Variants in TUB observed in about 807,000 individuals in gnomAD.
TUB encodes the protein TUB bipartite transcription factor.
TUB carries 33 observed loss-of-function variants against 59.7 expected under a neutral mutation model. The observed-to-expected ratio is 0.55, with a 90% CI of 0.42 to 0.74. The LOEUF is 0.74. Among genes scored for constraint, TUB ranks in the 30% least tolerant of loss-of-function variants. The pLI is 0.00. For synonymous variants in TUB, 293 were observed against 256.4 expected (o/e 1.14, Z -1.36); for missense variants, 659 against 672.0 (o/e 0.98, Z 0.21).
At chr11:8,024,137 C>T (rs781109741) in intron 1 of TUB, among the ~76,000 whole-genome samples, 1 of 152,184 alleles carries the variant, frequency 6.6e-6, no homozygotes, top group Non-Finnish European at 1.5e-5. Flanking sequence ...TTTTCCCGGC[C>T]TCTCTTCTCT....
intron 2 of TUB, among the ~76,000 whole-genome samples, chr11:8,064,282 G>A (rs967428035): frequency 3.3e-5 from 5 of 152,226 alleles, no homozygotes; most frequent in Non-Finnish European, 5.9e-5. Flanking sequence ...TTGATGGACT[G>A]TGCCTGAGCT....
chr11:8,101,637 T>C lies in TUB; in HGVS notation c.*18T>C. On this transcript the variant is annotated 3_prime_UTR_variant, in exon 12 of 12. Coordinates refer to ENST00000299506, the MANE Select transcript of TUB (RefSeq NM_177972.3). ...GCGAGTAGAGGCCTCTTCGTGCCCTTTGGGGTTGCCCAGCCTGGAGCGGAG... is the reference window on the plus strand; with the variant it reads ...GCGAGTAGAGGCCTCTTCGTGCCCTCTGGGGTTGCCCAGCCTGGAGCGGAG... The C allele has an allele frequency of 2.5e-6, 4 of 1,613,700 alleles. No homozygotes were observed. The highest frequency in any genetic ancestry group is 8.5e-7 in the Non-Finnish European group (1 of 1,179,782).
At chr11:8,020,447 A>T (rs1373884777) in intron 1 of TUB, among the ~76,000 whole-genome samples, 1 of 151,926 alleles carries the variant, frequency 6.6e-6, no homozygotes, top group African/African-American at 2.4e-5. Context: ...TTTGCCTAGG[A>T]CCCCTCCTCA....
At position 8,106,069 on chromosome 11, in the gene TUB, G is replaced by A. The variant is rs764584550; in HGVS notation, c.*4450G>A. On this transcript the variant is annotated 3_prime_UTR_variant, in exon 12 of 12. Coordinates refer to ENST00000299506, the MANE Select transcript of TUB (RefSeq NM_177972.3). ...GTTTTAGACAAATTTGCAAAACTGT[G>A]CTTTTATTGACTTTTTGAATAAACT... The A allele has an allele frequency of 5.9e-5, 9 of 152,148 alleles. No homozygotes were observed. Among genetic ancestry groups the A allele is most frequent in the Non-Finnish European group, 1.2e-4 (8 of 68,028 alleles). 9.4% of individuals were successfully genotyped at this position (152,148 alleles called of 1,614,324 possible). A position where few individuals can be genotyped will look rare whatever the true frequency, so the allele number is the denominator to read the frequency against.
At chr11:8,095,822 G>C (rs192084182) in intron 5 of TUB, among the ~76,000 whole-genome samples, 157 bp downstream of exon 5, 14 of 152,262 alleles carry the variant, frequency 9.2e-5, no homozygotes, top group African/African-American at 3.4e-4. Context: ...GAAACTCTTA[G>C]GCAGGGCCCC....
chr11:8,020,334 T>G (rs750203634), intron 1 of TUB, among the ~76,000 whole-genome samples: 1 of 152,218 alleles, frequency 6.6e-6, no homozygotes, highest in Non-Finnish European at 1.5e-5. Context: ...TCCTGCTTCC[T>G]GTGCTCTCCT....
At chr11:8,083,440 A>G (rs1362231529) in intron 1 of TUB, among the ~76,000 whole-genome samples, 1 of 152,172 alleles carries the variant, frequency 6.6e-6, no homozygotes, top group Non-Finnish European at 1.5e-5. Flanking sequence ...TCTTAGAGAA[A>G]ATATGCCTCA....
chr11:8,019,328 C>T (rs1564893120), exon 1 of TUB: 1 of 1,283,394 alleles, frequency 7.8e-7, no homozygotes, highest in Non-Finnish European at 9.8e-7. Flanking sequence ...AGCCACCGGA[C>T]CCTGTCTTAC....
intron 2 of TUB, among the ~76,000 whole-genome samples, chr11:8,074,165 G>T (rs1051048070): frequency 2.0e-5 from 3 of 151,922 alleles, no homozygotes; most frequent in African/African-American, 7.3e-5. Flanking sequence ...CTTAACATTG[G>T]GGGTGGGGAT....
At chr11:8,039,163 C>T (rs1942699459) in intron 1 of TUB, 14 of 1,135,436 alleles carry the variant, frequency 1.2e-5, no homozygotes, top group South Asian at 1.6e-5. Flanking sequence ...CCTATCACCA[C>T]GTGGAGCCCC....
At chr11:8,089,791 G>A in intron 2 of TUB, 130 bp downstream of exon 2, 1 of 1,294,164 alleles carries the variant, frequency 7.7e-7, no homozygotes, top group East Asian at 2.4e-5. Context: ...TGTGGAAGAA[G>A]AGAGGTGCAC....
rs556258978 is a variant in TUB at position 8,024,202 on chromosome 11, A to G, written c.56+4844A>G. Among the ~76,000 whole-genome samples the G allele has an allele frequency of 2.2e-4, 33 of 152,262 alleles. No homozygotes were observed. In the South Asian group the frequency reaches 6.0e-3, roughly 28 times the overall value. ...TCAGTCACTCACTCCAGCACTTTTT[A>G]TTCCCTCACGTATGCTCAGCACGAC... On this transcript the variant is annotated intron_variant, in intron 1 of 11. Coordinates refer to the TUB transcript ENST00000534099.
intron 1 of TUB, among the ~76,000 whole-genome samples, chr11:8,039,354 C>G (rs1589926297): frequency 6.6e-6 from 1 of 152,312 alleles, no homozygotes; most frequent in Admixed American, 6.5e-5. Context: ...GAGGGCTCCT[C>G]CTTCCAGCTT....
At position 8,074,723 on chromosome 11, in the gene TUB, G is replaced by C. The variant is rs577797304; in HGVS notation, c.204-14887G>C. 3.6e-4 allele frequency among the ~76,000 whole-genome samples: 51 copies of C among 143,560 alleles called. 2 individuals are homozygous for C. The South Asian group carries it at 0.012, about 33-fold the overall frequency. 94.2% of individuals were successfully genotyped at this position (143,560 alleles called of 152,430 possible). A position where few individuals can be genotyped will look rare whatever the true frequency, so the allele number is the denominator to read the frequency against. ...CACTTATACTCCAGCCTGGGTGATA[G>C]AGTGAGACCTCGTGTCTTTTTTTTT... On this transcript the variant is annotated intron_variant, in intron 2 of 12. Coordinates refer to the TUB transcript ENST00000305253.
Position 8,089,675 on chromosome 11 carries a change from G to T in TUB, c.90+14G>T, listed in dbSNP as rs1943734204. On this transcript the variant is annotated intron_variant, in intron 2 of 11. Coordinates refer to ENST00000299506, the MANE Select transcript of TUB (RefSeq NM_177972.3). ...CTTGATCGGCAGGTGAGTAGGCCTG[G>T]GGCCGGGTAGAAGGGAAGAGTCTGG... 1 of 1,614,182 alleles carries T rather than the reference G, an allele frequency of 6.2e-7. No individual in the cohort carries two copies. The highest frequency in any genetic ancestry group is 8.5e-7 in the Non-Finnish European group (1 of 1,180,026).
In TUB at chr11:8,101,851, T is replaced by G. The variant is rs1307316813; in HGVS notation, c.*232T>G. ...GTGTGAAGGGATGAGAATAATTCTTTCCATGCCACGAGATCAACACACACT... is the reference window on the plus strand; with the variant it reads ...GTGTGAAGGGATGAGAATAATTCTTGCCATGCCACGAGATCAACACACACT... On this transcript the variant is annotated 3_prime_UTR_variant, in exon 12 of 12. Transcript: ENST00000299506. The G allele has an allele frequency of 1.8e-5, 9 of 496,166 alleles. No individual in the cohort carries two copies. The South Asian group carries it at 2.2e-4, about 12-fold the overall frequency. 30.7% of individuals were successfully genotyped at this position (496,166 alleles called of 1,614,324 possible).
At chr11:8,056,843 T>G (rs997064558) in intron 2 of TUB, among the ~76,000 whole-genome samples, 1 of 152,000 alleles carries the variant, frequency 6.6e-6, no homozygotes, top group Non-Finnish European at 1.5e-5. Flanking sequence ...ACATGGTGTG[T>G]CTCAAGTAAG....
intron 2 of TUB, among the ~76,000 whole-genome samples, chr11:8,063,567 G>A (rs754084038): frequency 2.0e-5 from 3 of 152,208 alleles, no homozygotes; most frequent in Non-Finnish European, 2.9e-5. Flanking sequence ...GCATCCGGGA[G>A]TGTTCACTCG....
chr11:8,030,698 A>G (rs1942556990), intron 1 of TUB, among the ~76,000 whole-genome samples: 1 of 152,124 alleles, frequency 6.6e-6, no homozygotes, highest in African/African-American at 2.4e-5. Context: ...ATGGGACCCT[A>G]GTGTCAGAAT....
Sources: allele counts gnomAD v4.1 joint callset (sites outside exome capture counted in the v4.1 genomes callset), GRCh38; gene constraint gnomAD v4.1.1; transcripts MANE v1.5; gene names NCBI Gene and HGNC (gene_info 2026-07-23, HGNC 2026-07-21).